KLHL1: variants seen among roughly 807,000 people sequenced by gnomAD.
KLHL1 encodes kelch-like protein 1.
Under a neutral mutation model 77.7 loss-of-function variants are expected in KLHL1, and 47 were observed. That is an observed-to-expected ratio of 0.60 (90% CI 0.48 to 0.77). The LOEUF is 0.77. Among genes scored for constraint, KLHL1 ranks in the 30% least tolerant of loss-of-function variants. The pLI is 0.00. For synonymous variants in KLHL1, 360 were observed against 325.2 expected, an observed-to-expected ratio of 1.11 and a Z score of -1.15; for missense variants, 925 against 910.8, an observed-to-expected ratio of 1.02 and a Z score of -0.20.
chr13:69,957,602 C>T (rs980318549), intron 3 of KLHL1, among the ~76,000 whole-genome samples: 1 of 151,668 alleles, frequency 6.6e-6, no homozygotes, highest in Non-Finnish European at 1.5e-5. Context: ...CATAAGTGCT[C>T]AAATATTGTT....
chr13:69,919,445 G>A (rs940163150), intron 4 of KLHL1, among the ~76,000 whole-genome samples: 1 of 152,084 alleles, frequency 6.6e-6, no homozygotes, highest in East Asian at 1.9e-4. Flanking sequence ...TAAACTGGAT[G>A]CTTAGATATT....
chr13:69,959,945 T>A (rs1207438142), intron 3 of KLHL1, among the ~76,000 whole-genome samples: 1 of 151,996 alleles, frequency 6.6e-6, no homozygotes, highest in Admixed American at 6.6e-5. Flanking sequence ...TTTGGGTCTC[T>A]CTCCTAATAC....
intron 3 of KLHL1, among the ~76,000 whole-genome samples, chr13:69,960,269 G>GT (rs1235634249): frequency 6.9e-6 from 1 of 144,464 alleles, no homozygotes; most frequent in Non-Finnish European, 1.5e-5. Context: ...GTCACCTCTT[G>GT]TTTTTCTGTT....
chr13:69,848,282 T>C (rs548097505), intron 5 of KLHL1, among the ~76,000 whole-genome samples: 1 of 151,562 alleles, frequency 6.6e-6, no homozygotes, highest in African/African-American at 2.4e-5. Flanking sequence ...CCAAAGCTCG[T>C]AGCACTTCAT....
intron 1 of KLHL1, among the ~76,000 whole-genome samples, chr13:70,035,385 C>T (rs915853498): frequency 1.3e-5 from 2 of 151,862 alleles, no homozygotes; most frequent in African/African-American, 4.8e-5. Flanking sequence ...AAAATAAAAA[C>T]AATTGAAAAC....
intron 1 of KLHL1, among the ~76,000 whole-genome samples, chr13:70,092,482 G>T (rs1366114928): frequency 6.6e-6 from 1 of 152,028 alleles, no homozygotes; most frequent in African/African-American, 2.4e-5. Context: ...AAAGTTAAAA[G>T]CATGTATTTC....
chr13:70,034,832 T>A (rs1886199365), intron 1 of KLHL1, among the ~76,000 whole-genome samples: 1 of 152,156 alleles, frequency 6.6e-6, no homozygotes, highest in South Asian at 2.1e-4. Context: ...AATTGACTTA[T>A]TGAAATTAAA....
At chr13:69,938,850 G>T (rs906166321) in intron 4 of KLHL1, among the ~76,000 whole-genome samples, 46 of 151,902 alleles carry the variant, frequency 3.0e-4, no homozygotes, top group African/African-American at 1.1e-3. Flanking sequence ...AAAGGAAAAA[G>T]AAAATAATTT....
At chr13:69,987,388 G>A (rs922506716) in intron 1 of KLHL1, among the ~76,000 whole-genome samples, 2 of 151,882 alleles carry the variant, frequency 1.3e-5, no homozygotes, top group Non-Finnish European at 2.9e-5. Flanking sequence ...ACCTCAAAAT[G>A]GATACTGAAA....
chr13:70,006,082 A>C (rs899703182), intron 1 of KLHL1, among the ~76,000 whole-genome samples: 3 of 152,040 alleles, frequency 2.0e-5, no homozygotes, highest in African/African-American at 7.2e-5. Flanking sequence ...ACTATTTTAG[A>C]TTCATCATAT....
At chr13:70,100,045 T>G (rs1887888033) in intron 1 of KLHL1, among the ~76,000 whole-genome samples, 1 of 151,980 alleles carries the variant, frequency 6.6e-6, no homozygotes, top group South Asian at 2.1e-4. Context: ...TTATGTAAAT[T>G]TTTAGAATAA....
At chr13:69,976,305 T>G (rs1390906057) in intron 1 of KLHL1, among the ~76,000 whole-genome samples, 1 of 152,038 alleles carries the variant, frequency 6.6e-6, no homozygotes, top group African/African-American at 2.4e-5. Flanking sequence ...ACAATTAAAT[T>G]TGTAAGTAAA....
intron 1 of KLHL1, among the ~76,000 whole-genome samples, chr13:70,054,082 C>T (rs1886690000): frequency 6.6e-6 from 1 of 152,016 alleles, no homozygotes; most frequent in Non-Finnish European, 1.5e-5. Context: ...TGTCACTTTG[C>T]TCAGTTACAT....
chr13:69,818,813 C>T (rs753791023), intron 6 of KLHL1, among the ~76,000 whole-genome samples: 1 of 152,078 alleles, frequency 6.6e-6, no homozygotes, highest in African/African-American at 2.4e-5. Context: ...GAAGTGGAAC[C>T]AAAGTGACTG....
intron 1 of KLHL1, among the ~76,000 whole-genome samples, chr13:70,014,090 C>T (rs1885600829): frequency 6.6e-6 from 1 of 151,922 alleles, no homozygotes; most frequent in Non-Finnish European, 1.5e-5. Flanking sequence ...TGAATACTAA[C>T]AAGAAATATT....
At chr13:69,853,668 A>G (rs1176162915) in intron 5 of KLHL1, among the ~76,000 whole-genome samples, 1 of 152,032 alleles carries the variant, frequency 6.6e-6, no homozygotes, top group Admixed American at 6.6e-5. Flanking sequence ...AGTGAATGTG[A>G]TAATACAGTA....
chr13:69,978,766 C>A (rs879283425), intron 1 of KLHL1, among the ~76,000 whole-genome samples: 1 of 152,074 alleles, frequency 6.6e-6, no homozygotes, highest in African/African-American at 2.4e-5. Context: ...GGATTACAGG[C>A]GTGAGCCACT....
At chr13:69,868,236 A>T in intron 5 of KLHL1, among the ~76,000 whole-genome samples, 1 of 152,254 alleles carries the variant, frequency 6.6e-6, no homozygotes, top group Admixed American at 6.5e-5. Context: ...AAAGCAGCAT[A>T]TTTAACTGCC....
intron 7 of KLHL1, among the ~76,000 whole-genome samples, chr13:69,741,320 C>T (rs1873979306): frequency 6.6e-6 from 1 of 152,034 alleles, no homozygotes; most frequent in East Asian, 1.9e-4. Flanking sequence ...GATTGATGTG[C>T]TCTTTAGCTG....
Sources: gnomAD v4.1 joint callset for allele counts (sites outside exome capture counted in the v4.1 genomes callset) on GRCh38, gnomAD v4.1.1 for gene constraint, MANE v1.5 for transcripts, NCBI Gene and HGNC (gene_info 2026-07-23, HGNC 2026-07-21) for gene names.